The following ZNF385B variants were observed in gnomAD, a reference collection of about 807,000 sequenced individuals.
ZNF385B encodes zinc finger protein 533.
A neutral mutation model predicts 39.2 loss-of-function variants in ZNF385B; 23 were observed. The ratio of observed to expected loss-of-function variants is 0.59; its 90% CI spans 0.42 to 0.83. The LOEUF (loss-of-function observed/expected upper bound fraction) is 0.83, where lower values mean the gene tolerates loss of function less well. Among genes scored for constraint, ZNF385B ranks in the 40% least tolerant of loss-of-function variants. The pLI is 0.00. For missense variants in ZNF385B, 552 were observed against 598.9 expected, an observed-to-expected ratio of 0.92 and a Z score of 0.82; for synonymous variants, 205 against 222.6, an observed-to-expected ratio of 0.92 and a Z score of 0.70.
intron 3 of ZNF385B, among the ~76,000 whole-genome samples, chr2:179,679,636 T>A (rs1479719004): frequency 6.7e-6 from 1 of 150,070 alleles, no homozygotes; most frequent in Non-Finnish European, 1.5e-5. Context: ...TTGTTGTTGT[T>A]GTTATTATAG....
chr2:179,518,011 A>G lies in ZNF385B; in HGVS notation c.552+517T>C, dbSNP rs12478412. Among the ~76,000 whole-genome samples, 384 of 152,316 alleles carry G rather than the reference A, an allele frequency of 2.5e-3. 4 individuals are homozygous for G. The highest frequency in any genetic ancestry group is 0.015 in the Admixed American group (230 of 15,302). On this transcript the variant is annotated intron_variant, in intron 5 of 9. Transcript: ENST00000410066. ...AATGTGGCAATTGATATCAAATAGT[A>G]AAAATGGTTTTCTTCCACATTTATT...
At chr2:179,794,160 A>G (rs1021417307) in intron 1 of ZNF385B, among the ~76,000 whole-genome samples, 4 of 152,130 alleles carry the variant, frequency 2.6e-5, no homozygotes, top group South Asian at 2.1e-4. Context: ...TGTTTTTACA[A>G]TCTTAAACCA....
chr2:179,523,121 A>G (rs1438551440), intron 4 of ZNF385B, among the ~76,000 whole-genome samples: 2 of 152,216 alleles, frequency 1.3e-5, no homozygotes, highest in Admixed American at 1.3e-4. Flanking sequence ...CTATTAGTGC[A>G]ATTAACTGGT....
intron 3 of ZNF385B, among the ~76,000 whole-genome samples, chr2:179,754,922 T>G (rs1391020179): frequency 6.6e-6 from 1 of 152,214 alleles, no homozygotes; most frequent in African/African-American, 2.4e-5. Flanking sequence ...TTTTTGTGTC[T>G]CTATCTCCTT....
At chr2:179,718,978 A>T (rs988684921) in intron 3 of ZNF385B, among the ~76,000 whole-genome samples, 6 of 150,672 alleles carry the variant, frequency 4.0e-5, no homozygotes, top group Admixed American at 2.0e-4. Context: ...GTGTATATAT[A>T]TTTTTTTTTT....
rs577120987 is a variant in ZNF385B, at chr2:179,784,670, T to C, written c.-154-13998A>G. On this transcript the variant is annotated intron_variant, in intron 1 of 9. Coordinates refer to ENST00000410066, the MANE Select transcript of ZNF385B (RefSeq NM_152520.6). ...TGTGAATTCAGAAAAGACATCCCAA[T>C]GGCAAATAAGCATGTGAAAAGGCAC... 2.6e-5 allele frequency among the ~76,000 whole-genome samples: 4 copies of C among 152,094 alleles called. No individual in the cohort carries two copies. The South Asian group carries it at 6.2e-4, about 24-fold the overall frequency.
intron 6 of ZNF385B, among the ~76,000 whole-genome samples, chr2:179,466,372 C>T (rs548300407): frequency 6.6e-6 from 1 of 152,038 alleles, no homozygotes; most frequent in South Asian, 2.1e-4. Flanking sequence ...ATACCTCTGC[C>T]TGACAATCTG....
intron 3 of ZNF385B, among the ~76,000 whole-genome samples, chr2:179,639,747 A>G (rs1184695110): frequency 2.0e-5 from 3 of 152,354 alleles, no homozygotes; most frequent in African/African-American, 4.8e-5. Context: ...GGCAATGATC[A>G]TCAATGGATG....
intron 3 of ZNF385B, among the ~76,000 whole-genome samples, chr2:179,655,516 T>C (rs1409559128): frequency 1.4e-5 from 2 of 147,546 alleles, no homozygotes; most frequent in Non-Finnish European, 3.0e-5. Context: ...CCTGAACACA[T>C]GTTAATAGGT....
intron 3 of ZNF385B, among the ~76,000 whole-genome samples, chr2:179,700,476 GT>G (rs1465407162): frequency 1.6e-5 from 2 of 127,868 alleles, no homozygotes; most frequent in African/African-American, 2.8e-5. Flanking sequence ...TTGAGTAAAT[GT>G]TGCTTTCTTT....
intron 6 of ZNF385B, among the ~76,000 whole-genome samples, chr2:179,462,763 G>A (rs2051485200): frequency 6.6e-6 from 1 of 152,132 alleles, no homozygotes; most frequent in Non-Finnish European, 1.5e-5. Context: ...TAAAGGAGCA[G>A]GAAGAAAAGG....
At chr2:179,810,604 T>C (rs1446613085) in intron 1 of ZNF385B, among the ~76,000 whole-genome samples, 1 of 152,012 alleles carries the variant, frequency 6.6e-6, no homozygotes, top group Non-Finnish European at 1.5e-5. Flanking sequence ...ATCATCATCA[T>C]CATCATTTCC....
At chr2:179,775,817 A>T (rs1704279894) in intron 1 of ZNF385B, among the ~76,000 whole-genome samples, 1 of 152,224 alleles carries the variant, frequency 6.6e-6, no homozygotes, top group Non-Finnish European at 1.5e-5. Flanking sequence ...AGGAACTTAA[A>T]CTGCTTTCCA....
chr2:179,659,593 C>A (rs1371782936), intron 3 of ZNF385B, among the ~76,000 whole-genome samples: 1 of 151,968 alleles, frequency 6.6e-6, no homozygotes, highest in African/African-American at 2.4e-5. Flanking sequence ...TTTACCTTTT[C>A]ATTGTTCCAC....
chr2:179,492,003 T>G (rs1379640999), intron 5 of ZNF385B, among the ~76,000 whole-genome samples: 2 of 152,208 alleles, frequency 1.3e-5, no homozygotes, highest in African/African-American at 2.4e-5. Flanking sequence ...CCTGGCCATC[T>G]TTTATTTTAT....
At chr2:179,806,434 C>G (rs1042280248) in intron 1 of ZNF385B, among the ~76,000 whole-genome samples, 1 of 152,150 alleles carries the variant, frequency 6.6e-6, no homozygotes, top group East Asian at 1.9e-4. Flanking sequence ...GTTGGTGAGG[C>G]ATGGAGGTCA....
chr2:179,706,609 C>A (rs564974579), intron 3 of ZNF385B, among the ~76,000 whole-genome samples: 6 of 152,118 alleles, frequency 3.9e-5, no homozygotes, highest in African/African-American at 1.4e-4. Context: ...GGTTGGTTCC[C>A]ACCGCATGAG....
intron 3 of ZNF385B, among the ~76,000 whole-genome samples, chr2:179,646,690 T>G (rs983320102): frequency 4.6e-5 from 7 of 152,206 alleles, no homozygotes; most frequent in Admixed American, 4.6e-4. Context: ...ACATGCCAAA[T>G]TAAAATCGTA....
chr2:179,553,050 T>C lies in ZNF385B; in HGVS notation c.299-8081A>G, dbSNP rs144959672. Among the ~76,000 whole-genome samples the C allele has an allele frequency of 2.0e-5, 3 of 149,210 alleles. No individual in the cohort carries two copies. The East Asian group carries it at 5.8e-4, about 29-fold the overall frequency. Reference sequence around the variant, plus strand: ...GAGCCAGAATTACAACCCAGGCTATTTGACTTCTGAATTCTGCTTTTCACT... The same window carrying C: ...GAGCCAGAATTACAACCCAGGCTATCTGACTTCTGAATTCTGCTTTTCACT... On this transcript the variant is annotated intron_variant, in intron 3 of 9. Transcript: ENST00000410066.
Sources: allele counts gnomAD v4.1 joint callset (sites outside exome capture counted in the v4.1 genomes callset), GRCh38; gene constraint gnomAD v4.1.1; transcripts MANE v1.5; gene names NCBI Gene and HGNC (gene_info 2026-07-23, HGNC 2026-07-21).